DPP6: variants seen among roughly 807,000 people sequenced by gnomAD.
DPP6 encodes the protein dipeptidyl peptidase like 6.
A neutral mutation model predicts 122.6 loss-of-function variants in DPP6; 69 were observed. The ratio of observed to expected loss-of-function variants is 0.56; its 90% CI spans 0.46 to 0.69. The LOEUF (loss-of-function observed/expected upper bound fraction) is 0.69, where lower values mean the gene tolerates loss of function less well. DPP6 is among the 30% of genes least tolerant of loss of function. The probability of loss-of-function intolerance (pLI) is 0.00; values close to 1 mark genes in which losing one functional copy is unlikely to be tolerated. For synonymous variants in DPP6, 418 were observed against 433.1 expected, an observed-to-expected ratio of 0.97 and a Z score of 0.43; for missense variants, 928 against 1,116.9, an observed-to-expected ratio of 0.83 and a Z score of 2.41.
chr7:154,871,887 G>T (rs532435358), intron 18 of DPP6, among the ~76,000 whole-genome samples: 1 of 152,222 alleles, frequency 6.6e-6, no homozygotes, highest in Admixed American at 6.5e-5. Flanking sequence ...AAGATTTGTT[G>T]GAAGGTAGGG....
chr7:154,255,734 C>A (rs1802616506), intron 1 of DPP6, among the ~76,000 whole-genome samples: 1 of 152,228 alleles, frequency 6.6e-6, no homozygotes, highest in African/African-American at 2.4e-5. Context: ...AATTTTTATG[C>A]CACAGCGCTT....
intron 1 of DPP6, among the ~76,000 whole-genome samples, chr7:154,121,360 G>A (rs1357444407): frequency 6.6e-6 from 1 of 152,112 alleles, no homozygotes; most frequent in East Asian, 1.9e-4. Flanking sequence ...CAGAGTGTAG[G>A]TTGTGGATTC....
chr7:154,236,734 C>A (rs62484146), intron 1 of DPP6, among the ~76,000 whole-genome samples: 7,004 of 152,192 alleles, frequency 0.046, 239 homozygotes, highest in Middle Eastern at 0.095. Flanking sequence ...GTTTCCCTGA[C>A]GTCGGTATTG....
intron 6 of DPP6, among the ~76,000 whole-genome samples, chr7:154,638,422 G>T (rs779945773): frequency 6.6e-6 from 1 of 152,186 alleles, no homozygotes; most frequent in Non-Finnish European, 1.5e-5. Flanking sequence ...ACTCCGAGGG[G>T]GTTTCAGCGG....
chr7:154,165,048 C>T (rs1797175595), intron 1 of DPP6, among the ~76,000 whole-genome samples: 2 of 151,256 alleles, frequency 1.3e-5, no homozygotes, highest in Admixed American at 1.3e-4. Flanking sequence ...GGTACATGTG[C>T]ACATTGTGCA....
intron 7 of DPP6, among the ~76,000 whole-genome samples, chr7:154,719,631 A>G (rs888077949): frequency 6.6e-6 from 1 of 152,182 alleles, no homozygotes; most frequent in Non-Finnish European, 1.5e-5. Context: ...ATTTGTAAAG[A>G]GTCGAGTCTG....
chr7:154,553,635 C>T (rs1264712935), intron 4 of DPP6, among the ~76,000 whole-genome samples: 5 of 152,058 alleles, frequency 3.3e-5, no homozygotes, highest in Non-Finnish European at 1.5e-5. Context: ...AGCTGATAGT[C>T]CTGAGAGCTG....
chr7:154,372,924 A>G (rs1246671442), intron 1 of DPP6, among the ~76,000 whole-genome samples: 8 of 152,150 alleles, frequency 5.3e-5, no homozygotes, highest in Admixed American at 5.2e-4. Flanking sequence ...ACAGAAATCA[A>G]ACCTACCTGG....
At chr7:154,186,237 G>A (rs1403158096) in intron 1 of DPP6, among the ~76,000 whole-genome samples, 1 of 152,224 alleles carries the variant, frequency 6.6e-6, no homozygotes, top group African/African-American at 2.4e-5. Context: ...TTTTCTAGAT[G>A]TTAGAGGACT....
At chr7:153,934,815 A>C (rs1801350986) in intron 1 of DPP6, among the ~76,000 whole-genome samples, 1 of 152,144 alleles carries the variant, frequency 6.6e-6, no homozygotes. Context: ...GGGCAGCGGG[A>C]GACTGTCTGT....
intron 1 of DPP6, among the ~76,000 whole-genome samples, chr7:154,122,447 C>T (rs1263117682): frequency 2.6e-5 from 4 of 152,144 alleles, no homozygotes; most frequent in African/African-American, 4.8e-5. Context: ...AGCATACCTC[C>T]CATCTATTAT....
the DPP6 span, among the ~76,000 whole-genome samples, chr7:153,836,714 T>A: frequency 6.6e-6 from 1 of 152,224 alleles, no homozygotes; most frequent in Admixed American, 6.5e-5. Context: ...GAATGAAGCT[T>A]CTTACAGTCT....
chr7:153,967,710 T>C (rs149535861), intron 1 of DPP6, among the ~76,000 whole-genome samples: 12,537 of 152,030 alleles, frequency 0.082, 1,574 homozygotes, highest in African/African-American at 0.27. Flanking sequence ...TCATGGAATT[T>C]GTCCTGTGTG....
At chr7:154,588,481 C>T (rs1056157437) in intron 5 of DPP6, 3 of 169,480 alleles carry the variant, frequency 1.8e-5, no homozygotes, top group Non-Finnish European at 3.8e-5. Flanking sequence ...CTGGATTCCT[C>T]GTTACTGAGA....
intron 5 of DPP6, among the ~76,000 whole-genome samples, chr7:154,571,454 T>C (rs115124649): frequency 0.011 from 1,666 of 152,326 alleles, 30 homozygotes; most frequent in African/African-American, 0.038. Flanking sequence ...CTATGTATTA[T>C]TGAGAGCCTA....
chr7:154,764,502 T>C (rs1237398931), intron 8 of DPP6, among the ~76,000 whole-genome samples: 2 of 152,178 alleles, frequency 1.3e-5, no homozygotes, highest in South Asian at 2.1e-4. Context: ...CTGGGGAGTC[T>C]GGGAAAGGTC....
intron 1 of DPP6, among the ~76,000 whole-genome samples, chr7:154,398,474 CA>C (rs1357189040): frequency 1.3e-5 from 2 of 152,170 alleles, no homozygotes; most frequent in Non-Finnish European, 2.9e-5. Flanking sequence ...ACTTCGTGAC[CA>C]ATCTGAACAC....
intron 1 of DPP6, among the ~76,000 whole-genome samples, chr7:154,302,754 A>C (rs1455409842): frequency 2.0e-5 from 3 of 152,220 alleles, no homozygotes; most frequent in Non-Finnish European, 4.4e-5. Context: ...TGGATTCCCC[A>C]GCATGCACCG....
intron 17 of DPP6, among the ~76,000 whole-genome samples, chr7:154,856,808 GAAGCA>G (rs1802873043): frequency 6.6e-6 from 1 of 152,214 alleles, no homozygotes; most frequent in South Asian, 2.1e-4. Flanking sequence ...GTGACTCCCT[GAAGCA>G]AAGAGATGGG....
Sources: allele counts gnomAD v4.1 joint callset (sites outside exome capture counted in the v4.1 genomes callset), GRCh38; gene constraint gnomAD v4.1.1; transcripts MANE v1.5; gene names NCBI Gene and HGNC (gene_info 2026-07-23, HGNC 2026-07-21).